Variants in CADM2 observed in about 807,000 individuals in gnomAD.
CADM2 encodes the protein immunoglobulin superfamily member 4D.
A neutral mutation model predicts 49.8 loss-of-function variants in CADM2; 12 were observed. The observed-to-expected ratio is 0.24, with a 90% CI of 0.15 to 0.39. CADM2 has a LOEUF of 0.39. Ranked by LOEUF, CADM2 falls within the 10% of genes least tolerant of loss-of-function variation. The pLI is 1.00. For synonymous variants in CADM2, 214 were observed against 175.4 expected (o/e 1.22, Z -1.74); for missense variants, 378 against 492.3 (o/e 0.77, Z 2.20).
intron 8 of CADM2, among the ~76,000 whole-genome samples, chr3:85,968,868 CAT>C (rs1200972874): frequency 6.6e-6 from 1 of 151,724 alleles, no homozygotes; most frequent in African/African-American, 2.4e-5. Flanking sequence ...AAATAGAAGA[CAT>C]AGATTTTTAC....
intron 1 of CADM2, among the ~76,000 whole-genome samples, chr3:85,354,302 A>G (rs2031630500): frequency 1.4e-5 from 2 of 138,782 alleles, no homozygotes; most frequent in South Asian, 2.3e-4. Flanking sequence ...AAATTGAACA[A>G]TGAGAACACA....
intron 1 of CADM2, among the ~76,000 whole-genome samples, chr3:84,985,468 A>C (rs995107306): frequency 6.6e-6 from 1 of 152,130 alleles, no homozygotes; most frequent in Non-Finnish European, 1.5e-5. Flanking sequence ...AGGTTAAGCT[A>C]ATGAGGTAAT....
At chr3:85,946,768 T>C (rs897653004) in intron 7 of CADM2, among the ~76,000 whole-genome samples, 1 of 152,108 alleles carries the variant, frequency 6.6e-6, no homozygotes, top group Admixed American at 6.6e-5. Flanking sequence ...ATTGGATCCC[T>C]TCCTTACACC....
At chr3:85,881,055 C>G (rs1310705744) in intron 3 of CADM2, among the ~76,000 whole-genome samples, 1 of 151,948 alleles carries the variant, frequency 6.6e-6, no homozygotes, top group African/African-American at 2.4e-5. Context: ...CTCACAGGTC[C>G]CTGGGCCTCT....
At chr3:85,424,528 C>T (rs991741335) in intron 1 of CADM2, among the ~76,000 whole-genome samples, 1 of 152,056 alleles carries the variant, frequency 6.6e-6, no homozygotes, top group African/African-American at 2.4e-5. Context: ...CATGTATTTC[C>T]AGCATCACCC....
chr3:85,222,475 G>T lies in CADM2; in HGVS notation c.61+262807G>T, dbSNP rs564326995. Reference sequence around the variant, plus strand: ...GATGCTTCCACACAACCTTCCTTCCGTGGCTGTTTCCTTCACTCAGGATCA... The same window carrying T: ...GATGCTTCCACACAACCTTCCTTCCTTGGCTGTTTCCTTCACTCAGGATCA... On this transcript the variant is annotated intron_variant, in intron 1 of 9. Transcript: ENST00000383699. Among the ~76,000 whole-genome samples, 3 of 152,210 alleles carry T rather than the reference G, an allele frequency of 2.0e-5. No homozygotes were observed. In the South Asian group the frequency reaches 6.2e-4, roughly 32 times the overall value.
intron 6 of CADM2, among the ~76,000 whole-genome samples, chr3:85,912,920 T>C (rs1363507210): frequency 6.6e-6 from 1 of 152,164 alleles, no homozygotes; most frequent in East Asian, 1.9e-4. Context: ...TTTTATGCAA[T>C]TGTGGCTTCT....
intron 8 of CADM2, among the ~76,000 whole-genome samples, chr3:85,968,889 T>A (rs1026905206): frequency 1.3e-5 from 2 of 151,778 alleles, no homozygotes; most frequent in Admixed American, 1.3e-4. Context: ...ACATAAAACC[T>A]GCTTTGTAGC....
At chr3:85,659,881 G>A (rs1175798464) in intron 1 of CADM2, among the ~76,000 whole-genome samples, 1 of 152,094 alleles carries the variant, frequency 6.6e-6, no homozygotes, top group African/African-American at 2.4e-5. Flanking sequence ...CACAAGGTGT[G>A]CACCAAATCC....
At chr3:86,015,021 A>G (rs1732034116) in intron 8 of CADM2, 3 of 903,688 alleles carry the variant, frequency 3.3e-6, no homozygotes, top group Non-Finnish European at 5.5e-6. Context: ...AAATTGTGAC[A>G]TAAAACACAA....
intron 1 of CADM2, among the ~76,000 whole-genome samples, chr3:85,450,674 ACTT>A (rs953655898): frequency 6.6e-6 from 1 of 150,902 alleles, no homozygotes; most frequent in Non-Finnish European, 1.5e-5. Flanking sequence ...GTATTAGAGA[ACTT>A]CTGACTAAAG....
chr3:84,990,996 A>G (rs1489318343), intron 1 of CADM2, among the ~76,000 whole-genome samples: 6 of 152,056 alleles, frequency 3.9e-5, no homozygotes, highest in South Asian at 2.1e-4. Flanking sequence ...ATTTCAGTAA[A>G]TGCCAAAAGA....
At chr3:85,916,385 T>G (rs1718332308) in intron 6 of CADM2, among the ~76,000 whole-genome samples, 1 of 148,098 alleles carries the variant, frequency 6.8e-6, no homozygotes, top group South Asian at 2.2e-4. Flanking sequence ...TGTGTTCTCA[T>G]TGTTAAATTG....
At chr3:85,830,601 A>G (rs2074139758) in intron 3 of CADM2, among the ~76,000 whole-genome samples, 1 of 151,768 alleles carries the variant, frequency 6.6e-6, no homozygotes, top group Admixed American at 6.6e-5. Context: ...CATTATGAAT[A>G]CCAAGGATAT....
intron 1 of CADM2, among the ~76,000 whole-genome samples, chr3:85,088,018 T>TAA (rs2037449219): frequency 6.6e-6 from 1 of 152,178 alleles, no homozygotes; most frequent in African/African-American, 2.4e-5. Context: ...TAAATATTTG[T>TAA]TTGTTCAAGG....
At chr3:85,177,398 T>C (rs1266677935) in intron 1 of CADM2, among the ~76,000 whole-genome samples, 1 of 152,132 alleles carries the variant, frequency 6.6e-6, no homozygotes, top group Non-Finnish European at 1.5e-5. Context: ...CCTTTAATTT[T>C]ATTTAGCGTT....
chr3:85,893,999 A>G (rs530228065), intron 5 of CADM2, among the ~76,000 whole-genome samples: 2 of 152,344 alleles, frequency 1.3e-5, no homozygotes, highest in South Asian at 2.1e-4. Context: ...ATTACTGGGT[A>G]TATACCCAAA....
At chr3:85,715,592 G>A (rs554697884) in intron 1 of CADM2, among the ~76,000 whole-genome samples, 1 of 152,140 alleles carries the variant, frequency 6.6e-6, no homozygotes. Context: ...TGCCATGGTG[G>A]TTTGCTTCAC....
chr3:85,559,477 G>A (rs1397465462), intron 1 of CADM2, among the ~76,000 whole-genome samples: 1 of 151,936 alleles, frequency 6.6e-6, no homozygotes, highest in Non-Finnish European at 1.5e-5. Context: ...GTCTTATTAA[G>A]CTCCTAAATT....
Sources: allele counts gnomAD v4.1 joint callset (sites outside exome capture counted in the v4.1 genomes callset), GRCh38; gene constraint gnomAD v4.1.1; transcripts MANE v1.5; gene names NCBI Gene and HGNC (gene_info 2026-07-23, HGNC 2026-07-21).